Variants in BRAF observed in about 807,000 individuals in gnomAD.
BRAF encodes the protein serine/threonine-protein kinase B-raf.
Under a neutral mutation model 104.6 loss-of-function variants are expected in BRAF, and 16 were observed. That is an observed-to-expected ratio of 0.15 (90% confidence interval 0.10 to 0.23). The LOEUF is 0.23. Among genes scored for constraint, BRAF ranks in the 10% least tolerant of loss-of-function variants. The pLI, the probability that BRAF is intolerant of heterozygous loss-of-function variation, is 1.00. For synonymous variants in BRAF, 310 were observed against 341.6 expected, an observed-to-expected ratio of 0.91 and a Z score of 1.02; for missense variants, 541 against 937.3, an observed-to-expected ratio of 0.58 and a Z score of 5.52.
At chr7:140,910,299 T>C (rs1816823620) in intron 1 of BRAF, among the ~76,000 whole-genome samples, 1 of 152,166 alleles carries the variant, frequency 6.6e-6, no homozygotes, top group Non-Finnish European at 1.5e-5. Context: ...ATTACATCCT[T>C]TTGTCTTCCT....
rs574493104 is a variant in BRAF, at chr7:140,724,898, TTACCCTTTAA to T, written c.*1586_*1595del. 1,415 of 1,039,586 alleles carry T rather than the reference TTACCCTTTAA, an allele frequency of 1.4e-3. 9 individuals carry two copies. The South Asian group carries it at 0.018, about 13-fold the overall frequency. The allele number at this position is 1,039,586 out of a possible 1,614,324, so 64.4% of individuals were successfully genotyped here. On this transcript the variant is annotated 3_prime_UTR_variant, in exon 20 of 20. Transcript: ENST00000644969. ...TTCTTTGCTATGACTGTGATTGATA[TTACCCTTTAA>T]TAAAGGCCAAAGGAAGCTATAACTA...
chr7:140,735,660 G>A (rs934040277), intron 18 of BRAF, among the ~76,000 whole-genome samples: 2 of 151,570 alleles, frequency 1.3e-5, no homozygotes, highest in Admixed American at 6.6e-5. Context: ...GGGTTCAAGC[G>A]ATTCTCCTGC....
intron 5 of BRAF, among the ~76,000 whole-genome samples, 160 bp from the exon 6 acceptor site, chr7:140,801,720 A>G (rs961290153): frequency 5.3e-5 from 8 of 152,202 alleles, no homozygotes; most frequent in Non-Finnish European, 8.8e-5. Context: ...CGGGGGTTCA[A>G]GATAATAGAT....
rs1462364794 is a variant in BRAF, at chr7:140,721,689, A to G, written c.*4805T>C. 3.3e-6 allele frequency: 5 copies of G among 1,534,130 alleles called. No individual in the cohort carries two copies. Among genetic ancestry groups the G allele is most frequent in the South Asian group, 2.4e-5 (2 of 83,654 alleles). ...ATGGGCATCAGTAATCCATCCCAGT[A>G]TAACATTTCAAGGATGTGCTGGAGA... On this transcript the variant is annotated 3_prime_UTR_variant, in exon 20 of 20. Transcript: ENST00000644969.
In BRAF at chr7:140,725,727, T is replaced by TC. The variant is rs1795564413; in HGVS notation, c.*766dup. Reference sequence around the variant, plus strand: ...AAAAAAAAAACCCAAACACTTATCTTCATTGCTGGACCCAATGAGAAAGAA... The same window carrying TC: ...AAAAAAAAAACCCAAACACTTATCTTCCATTGCTGGACCCAATGAGAAAGAA... On this transcript the variant is annotated 3_prime_UTR_variant, in exon 20 of 20. Coordinates refer to ENST00000644969, the MANE Select transcript of BRAF (RefSeq NM_001374258.1). 1 of 1,059,900 alleles carries TC rather than the reference T, an allele frequency of 9.4e-7. No individual in the cohort carries two copies. Among genetic ancestry groups the TC allele is most frequent in the Admixed American group, 5.4e-5 (1 of 18,522 alleles). 65.7% of individuals were successfully genotyped at this position (1,059,900 alleles called of 1,614,324 possible). A position where few individuals can be genotyped will look rare whatever the true frequency, so the allele number is the denominator to read the frequency against.
At chr7:140,835,845 A>G (rs900641787) in intron 2 of BRAF, 1 of 152,226 alleles carries the variant, frequency 6.6e-6, no homozygotes, top group Non-Finnish European at 1.5e-5. Flanking sequence ...AAATAGATGC[A>G]ATACTACAAA....
intron 1 of BRAF, among the ~76,000 whole-genome samples, chr7:140,875,404 C>G (rs1205908801): frequency 1.3e-5 from 2 of 152,194 alleles, no homozygotes; most frequent in Non-Finnish European, 1.5e-5. Context: ...GAGATAGCAT[C>G]TTGCTCTGTC....
At chr7:140,774,493 T>C (rs1168204532) in intron 14 of BRAF, among the ~76,000 whole-genome samples, 1 of 152,164 alleles carries the variant, frequency 6.6e-6, no homozygotes, top group Non-Finnish European at 1.5e-5. Flanking sequence ...CCTAAAGTGT[T>C]GGGTTTACAG....
At chr7:140,788,943 G>A (rs1044906240) in intron 8 of BRAF, among the ~76,000 whole-genome samples, 38 of 151,548 alleles carry the variant, frequency 2.5e-4, no homozygotes, top group African/African-American at 8.7e-4. Context: ...GGGTGCGGTG[G>A]CTCAAGCCTG....
chr7:140,720,085 C>T lies in BRAF; in HGVS notation c.*6409G>A, dbSNP rs533233880. On this transcript the variant is annotated 3_prime_UTR_variant, in exon 20 of 20. Transcript: ENST00000644969. The stretch of plus-strand genomic sequence containing the variant: ...GGTCTAAACCAAAGAGCAATGACAA[C>T]TACTGAATAAAATTCAGAGACACAT... The T allele has an allele frequency of 1.2e-5, 13 of 1,060,442 alleles. No homozygotes were observed. Among genetic ancestry groups the T allele is most frequent in the Non-Finnish European group, 1.4e-5 (12 of 876,274 alleles). The allele number at this position is 1,060,442 out of a possible 1,614,324, so 65.7% of individuals were successfully genotyped here.
intron 3 of BRAF, among the ~76,000 whole-genome samples, chr7:140,821,558 C>G (rs1805491855): frequency 6.6e-6 from 1 of 151,886 alleles, no homozygotes; most frequent in Admixed American, 6.6e-5. Context: ...CCCGCCTCAA[C>G]CTCCCAAAGT....
At chr7:140,787,395 T>C (rs1284705505) in intron 9 of BRAF, among the ~76,000 whole-genome samples, 153 bp downstream of exon 9, 2 of 150,710 alleles carry the variant, frequency 1.3e-5, no homozygotes, top group African/African-American at 4.9e-5. Flanking sequence ...TAGAGGTAAA[T>C]GACAAACACT....
At chr7:140,880,804 TA>T (rs576626707) in intron 1 of BRAF, among the ~76,000 whole-genome samples, 36,281 of 143,480 alleles carry the variant, frequency 0.25, 5,924 homozygotes, top group African/African-American at 0.48. Context: ...CTGTCTCTAT[TA>T]AAAAAAAAAA....
rs71645962 is a variant in BRAF, at chr7:140,787,279, C to T, written c.1177+269G>A. ...TCGCGCCACTGCACTCCAACCTGGG[C>T]GACAGAGCGAGACTCCGTCTCAAAA... On this transcript the variant is annotated intron_variant, in intron 9 of 19. Coordinates refer to ENST00000644969, the MANE Select transcript of BRAF (RefSeq NM_001374258.1). Among the ~76,000 whole-genome samples the T allele has an allele frequency of 0.063, 8,022 of 127,818 alleles. 264 individuals carry two copies. Among genetic ancestry groups the T allele is most frequent in the Middle Eastern group, 0.16 (29 of 182 alleles). 83.9% of individuals were successfully genotyped at this position (127,818 alleles called of 152,430 possible).
chr7:140,915,474 GC>G (rs200678608), intron 1 of BRAF, among the ~76,000 whole-genome samples: 1,968 of 137,642 alleles, frequency 0.014, 20 homozygotes, highest in Non-Finnish European at 0.02. Context: ...CACTCTTGTT[GC>G]CCAGGCTGGA....
Position 140,733,855 on chromosome 7 carries a change from C to CCT in BRAF, c.2401+761_2401+762insAG, listed in dbSNP as rs1796171738. On this transcript the variant is annotated intron_variant, in intron 19 of 19. Coordinates refer to ENST00000644969, the MANE Select transcript of BRAF (RefSeq NM_001374258.1). ...ATGCGTTTGCAACAAAATTTGACTT[C>CCT]TACATGAGCGAGACATCCTTAATGT... is the stretch of plus-strand genomic sequence containing the variant. The CCT allele has an allele frequency of 1.5e-5, 6 of 409,570 alleles. No individual in the cohort carries two copies. In the South Asian group the frequency reaches 5.2e-4, roughly 36 times the overall value. The allele number at this position is 409,570 out of a possible 1,614,324, so 25.4% of individuals were successfully genotyped here. A position where few individuals can be genotyped will look rare whatever the true frequency, so the allele number is the denominator to read the frequency against.
At chr7:140,739,734 G>C (rs1377647882) in intron 18 of BRAF, 78 bp downstream of exon 17, 1 of 1,536,158 alleles carries the variant, frequency 6.5e-7, no homozygotes, top group Non-Finnish European at 9.0e-7. Flanking sequence ...AATACACACT[G>C]TGTGCCCAAA....
At chr7:140,903,773 G>A (rs1344683659) in intron 1 of BRAF, among the ~76,000 whole-genome samples, 2 of 152,182 alleles carry the variant, frequency 1.3e-5, no homozygotes, top group Non-Finnish European at 2.9e-5. Flanking sequence ...ACATTAACAG[G>A]AGTTTGGAAG....
At chr7:140,825,361 T>C (rs1805925570) in intron 3 of BRAF, among the ~76,000 whole-genome samples, 1 of 152,174 alleles carries the variant, frequency 6.6e-6, no homozygotes, top group Non-Finnish European at 1.5e-5. Flanking sequence ...CAATCTGTGG[T>C]TTCTCTTTTT....
Sources: allele counts gnomAD v4.1 joint callset (sites outside exome capture counted in the v4.1 genomes callset), GRCh38; gene constraint gnomAD v4.1.1; transcripts MANE v1.5; gene names NCBI Gene and HGNC (gene_info 2026-07-23, HGNC 2026-07-21).